JMJD1C: variants seen among roughly 807,000 people sequenced by gnomAD.
The protein encoded by JMJD1C is jumonji domain-containing protein 1C.
A neutral mutation model predicts 245.3 loss-of-function variants in JMJD1C; 31 were observed. The observed-to-expected ratio is 0.13, with a 90% confidence interval of 0.09 to 0.17. JMJD1C has a LOEUF of 0.17. JMJD1C is among the 10% of genes least tolerant of loss of function. JMJD1C has a pLI of 1.00. For synonymous variants in JMJD1C, 1,057 were observed against 1,017.4 expected, an observed-to-expected ratio of 1.04 and a Z score of -0.74; for missense variants, 2,691 against 3,000.2, an observed-to-expected ratio of 0.90 and a Z score of 2.41.
chr10:63,218,926 T>G (rs1848290941), intron 4 of JMJD1C, among the ~76,000 whole-genome samples: 1 of 152,230 alleles, frequency 6.6e-6, no homozygotes, highest in African/African-American at 2.4e-5. Context: ...TAAAAACAAT[T>G]ACTTTTTTCA....
chr10:63,338,760 T>G (rs1181720085), intron 2 of JMJD1C, among the ~76,000 whole-genome samples: 5 of 143,412 alleles, frequency 3.5e-5, no homozygotes, highest in African/African-American at 1.3e-4. Context: ...GCGATCCTCC[T>G]ACCTCAGCCT....
chr10:63,176,534 G>A, intron 23 of JMJD1C, 61 bp from the exon 24 acceptor site: 1 of 1,233,838 alleles, frequency 8.1e-7, no homozygotes, highest in Non-Finnish European at 1.1e-6. Context: ...ATCCTGTTCA[G>A]TTAAATTTCA....
At chr10:63,176,168 G>C (rs1842843847) in intron 24 of JMJD1C, 129 bp downstream of exon 24, 3 of 521,860 alleles carry the variant, frequency 5.7e-6, no homozygotes, top group African/African-American at 3.8e-5. Context: ...TTCTAATAAA[G>C]GCAGACTGGT....
chr10:63,282,809 C>T (rs538658123), intron 2 of JMJD1C, among the ~76,000 whole-genome samples: 11 of 152,198 alleles, frequency 7.2e-5, no homozygotes, highest in East Asian at 3.9e-4. Flanking sequence ...CGCCGCCTCC[C>T]GGGTTCAAGT....
chr10:63,437,364 A>G (rs979595976), intron 1 of JMJD1C, among the ~76,000 whole-genome samples: 1 of 152,154 alleles, frequency 6.6e-6, no homozygotes, highest in Non-Finnish European at 1.5e-5. Flanking sequence ...AAGCAATCAG[A>G]TTTCCACAAG....
chr10:63,400,962 G>A (rs1948813297), intron 1 of JMJD1C, among the ~76,000 whole-genome samples: 1 of 151,850 alleles, frequency 6.6e-6, no homozygotes, highest in Non-Finnish European at 1.5e-5. Flanking sequence ...CCGGGTTCAA[G>A]CAGTTCTCCC....
intron 1 of JMJD1C, among the ~76,000 whole-genome samples, chr10:63,441,372 TC>T (rs1951373757): frequency 6.6e-6 from 1 of 152,210 alleles, no homozygotes; most frequent in African/African-American, 2.4e-5. Context: ...GAGAAATTCT[TC>T]TAGTCTCTTT....
intron 1 of JMJD1C, among the ~76,000 whole-genome samples, chr10:63,435,793 G>A (rs1951028372): frequency 6.6e-6 from 1 of 152,164 alleles, no homozygotes; most frequent in East Asian, 1.9e-4. Context: ...CAGCTACGCA[G>A]GAGGCTGAGA....
At chr10:63,486,220 A>C (rs1215488302) in intron 1 of JMJD1C, among the ~76,000 whole-genome samples, 1 of 151,222 alleles carries the variant, frequency 6.6e-6, no homozygotes, top group Non-Finnish European at 1.5e-5. Flanking sequence ...AGTTTGAGAA[A>C]TTCATTAGAG....
chr10:63,447,656 T>C (rs1402709531), intron 1 of JMJD1C, among the ~76,000 whole-genome samples: 11 of 152,108 alleles, frequency 7.2e-5, no homozygotes, highest in Non-Finnish European at 1.6e-4. Flanking sequence ...CAAATCTTAT[T>C]TTCTATGGTT....
intron 10 of JMJD1C, chr10:63,205,126 T>C (rs575092631): frequency 1.2e-4 from 81 of 662,392 alleles, no homozygotes; most frequent in Non-Finnish European, 1.5e-4. Context: ...GTATCTCTTA[T>C]TTTGTCCAGC....
chr10:63,339,330 A>C (rs550391646), intron 2 of JMJD1C, among the ~76,000 whole-genome samples: 1 of 152,376 alleles, frequency 6.6e-6, no homozygotes, highest in Non-Finnish European at 1.5e-5. Context: ...CATAAGATCA[A>C]GAAAAGTGAG....
intron 1 of JMJD1C, among the ~76,000 whole-genome samples, chr10:63,498,734 T>C (rs1954440861): frequency 6.6e-6 from 1 of 152,172 alleles, no homozygotes; most frequent in South Asian, 2.1e-4. Context: ...GACCACTTAA[T>C]ATGAGATCTA....
In JMJD1C at chr10:63,208,559, G is replaced by A. The variant is rs768099139; in HGVS notation, c.3110C>T (p.Thr1037Ile). 1.2e-5 allele frequency: 20 copies of A among 1,613,900 alleles called. No homozygotes were observed. The South Asian group carries it at 2.2e-4, about 18-fold the overall frequency. Residue 1037 changes from threonine to isoleucine, a missense_variant, in exon 10 of 26, where the codon ACT (threonine) becomes ATT (isoleucine). Physicochemically the swap from Thr to Ile is moderately conservative, Grantham distance 89. Transcript: ENST00000399262. Reference protein sequence around the residue: ...QESIDVAPFTTKIKGLEGERE... With the variant: ...QESIDVAPFTIKIKGLEGERE... ...CTCACCCTCAAGTCCCTTGATTTTA[G>A]TTGTAAAGGGAGCAACATCAATACT...
At chr10:63,454,322 T>G (rs1043735957) in intron 1 of JMJD1C, among the ~76,000 whole-genome samples, 1 of 151,422 alleles carries the variant, frequency 6.6e-6, no homozygotes, top group Non-Finnish European at 1.5e-5. Context: ...TGCAGTGGCA[T>G]GATCTCAGCT....
At chr10:63,470,890 A>G (rs1953470309), upstream of JMJD1C, among the ~76,000 whole-genome samples, 1 of 152,200 alleles carries the variant, frequency 6.6e-6, no homozygotes, top group South Asian at 2.1e-4. Flanking sequence ...TCTCTTCTCT[A>G]TTAAAAACAA....
intron 1 of JMJD1C, among the ~76,000 whole-genome samples, chr10:63,487,794 A>G (rs1453751853): frequency 6.6e-6 from 1 of 152,220 alleles, no homozygotes; most frequent in African/African-American, 2.4e-5. Flanking sequence ...TACTACATTC[A>G]TCGGGAATAA....
Position 63,257,851 on chromosome 10 carries a change from T to A in JMJD1C, c.447+6800A>T, listed in dbSNP as rs144461780. ...AAAAACTGGGAGAAGAAAAAAACAC[T>A]ACTACAAAAACGTGTTCTATTATAC... On this transcript the variant is annotated intron_variant, in intron 3 of 25. Coordinates refer to ENST00000399262, the MANE Select transcript of JMJD1C (RefSeq NM_032776.3). Among the ~76,000 whole-genome samples, 158 of 152,300 alleles carry A rather than the reference T, an allele frequency of 1.0e-3. 3 individuals are homozygous for A. The East Asian group carries it at 0.026, about 25-fold the overall frequency.
At chr10:63,443,017 C>G (rs1362484852) in intron 1 of JMJD1C, among the ~76,000 whole-genome samples, 2 of 152,218 alleles carry the variant, frequency 1.3e-5, no homozygotes, top group Non-Finnish European at 2.9e-5. Context: ...ACACCAGTCA[C>G]AAGCATGGGG....
Sources: gnomAD v4.1 joint callset for allele counts (sites outside exome capture counted in the v4.1 genomes callset) on GRCh38, gnomAD v4.1.1 for gene constraint, MANE v1.5 for transcripts, NCBI Gene and HGNC (gene_info 2026-07-23, HGNC 2026-07-21) for gene names.